RHBDD1: variants seen among roughly 807,000 people sequenced by gnomAD.
RHBDD1 encodes rhomboid-related protein 4.
RHBDD1 carries 38 observed loss-of-function variants against 36.3 expected under a neutral mutation model. The ratio of observed to expected loss-of-function variants is 1.05; its 90% CI spans 0.81 to 1.37. The LOEUF is 1.37. Ranked by LOEUF, RHBDD1 falls within the 40% of genes most tolerant of loss-of-function variation. The probability of loss-of-function intolerance (pLI) is 0.00; values close to 1 mark genes in which losing one functional copy is unlikely to be tolerated. For synonymous variants in RHBDD1, 151 were observed against 136.5 expected, an observed-to-expected ratio of 1.11 and a Z score of -0.74; for missense variants, 393 against 377.6, an observed-to-expected ratio of 1.04 and a Z score of -0.34.
chr2:226,980,897 T>C (rs1955579958), intron 8 of RHBDD1, among the ~76,000 whole-genome samples: 1 of 152,216 alleles, frequency 6.6e-6, no homozygotes, highest in African/African-American at 2.4e-5. Context: ...TTAATAGGCA[T>C]GTAGGAATAA....
At chr2:226,990,551 C>T (rs1353199796) in intron 8 of RHBDD1, among the ~76,000 whole-genome samples, 1 of 152,190 alleles carries the variant, frequency 6.6e-6, no homozygotes, top group Non-Finnish European at 1.5e-5. Flanking sequence ...TCTCTATTTA[C>T]ATGGATGGCG....
chr2:226,837,430 C>A (rs1559176740), intron 1 of RHBDD1: 3 of 152,142 alleles, frequency 2.0e-5, no homozygotes, highest in Admixed American at 1.3e-4. Flanking sequence ...GCAGGATATT[C>A]AGTTAAAAGT....
At chr2:226,957,849 C>T (rs1951880944) in intron 8 of RHBDD1, among the ~76,000 whole-genome samples, 1 of 151,974 alleles carries the variant, frequency 6.6e-6, no homozygotes, top group South Asian at 2.1e-4. Flanking sequence ...TGAGATACCA[C>T]TTCACGTCCA....
At chr2:226,840,404 T>G (rs991889393) in intron 3 of RHBDD1, among the ~76,000 whole-genome samples, 3 of 152,202 alleles carry the variant, frequency 2.0e-5, no homozygotes, top group Non-Finnish European at 4.4e-5. Flanking sequence ...ATGCACCTCA[T>G]AATTACACAG....
intron 5 of RHBDD1, among the ~76,000 whole-genome samples, chr2:226,871,615 C>G (rs1048329296): frequency 2.0e-5 from 3 of 152,182 alleles, no homozygotes; most frequent in African/African-American, 7.2e-5. Context: ...TTAAAGATAT[C>G]AGATCTCTCG....
chr2:226,934,761 T>C (rs1028380406), intron 8 of RHBDD1, among the ~76,000 whole-genome samples: 3 of 152,082 alleles, frequency 2.0e-5, no homozygotes, highest in Non-Finnish European at 4.4e-5. Context: ...ATGTTTTTCT[T>C]TGAGTCAAAA....
At chr2:226,971,853 T>G (rs142516931) in intron 8 of RHBDD1, among the ~76,000 whole-genome samples, 319 of 152,284 alleles carry the variant, frequency 2.1e-3, no homozygotes, top group Middle Eastern at 6.8e-3. Context: ...CTCTAGAATT[T>G]GGTGGCAAGG....
At chr2:226,970,819 T>A (rs1228292238) in intron 8 of RHBDD1, among the ~76,000 whole-genome samples, 1 of 152,212 alleles carries the variant, frequency 6.6e-6, no homozygotes, top group Non-Finnish European at 1.5e-5. Context: ...CAAGGCAATC[T>A]TGGCAGCTGG....
chr2:226,991,709 A>G (rs1488748887), intron 8 of RHBDD1, among the ~76,000 whole-genome samples: 1 of 152,202 alleles, frequency 6.6e-6, no homozygotes, highest in Non-Finnish European at 1.5e-5. Context: ...TAAGGAAACT[A>G]AGACCAAGAG....
At chr2:226,924,633 T>G (rs1446237610) in intron 8 of RHBDD1, among the ~76,000 whole-genome samples, 1 of 152,176 alleles carries the variant, frequency 6.6e-6, no homozygotes, top group East Asian at 1.9e-4. Context: ...TCAAGTTTAT[T>G]TAGGACCCCA....
chr2:226,901,884 T>G (rs1316336487), intron 5 of RHBDD1, among the ~76,000 whole-genome samples: 1 of 152,172 alleles, frequency 6.6e-6, no homozygotes, highest in Non-Finnish European at 1.5e-5. Context: ...TAATACAGTG[T>G]ATTTTAGATA....
At chr2:226,960,975 G>T (rs1385454576) in intron 8 of RHBDD1, among the ~76,000 whole-genome samples, 1 of 152,164 alleles carries the variant, frequency 6.6e-6, no homozygotes, top group African/African-American at 2.4e-5. Flanking sequence ...GTGAGATTTA[G>T]CCATCCAGAG....
At chr2:226,861,950 AATAC>A (rs1943893751) in intron 3 of RHBDD1, among the ~76,000 whole-genome samples, 1 of 152,184 alleles carries the variant, frequency 6.6e-6, no homozygotes, top group South Asian at 2.1e-4. Context: ...GGGTTGTGCT[AATAC>A]ATGGGGTTTT....
At chr2:226,952,751 A>G (rs1951516218) in intron 8 of RHBDD1, among the ~76,000 whole-genome samples, 1 of 152,244 alleles carries the variant, frequency 6.6e-6, no homozygotes, top group Non-Finnish European at 1.5e-5. Flanking sequence ...ATGTAAAGAA[A>G]GATAAGAACC....
intron 8 of RHBDD1, among the ~76,000 whole-genome samples, chr2:226,949,144 A>G (rs985465713): frequency 6.6e-6 from 1 of 152,204 alleles, no homozygotes; most frequent in East Asian, 1.9e-4. Flanking sequence ...ACAAATGGAA[A>G]AACATTCCAT....
intron 8 of RHBDD1, among the ~76,000 whole-genome samples, chr2:226,924,848 C>G (rs1452352662): frequency 1.3e-5 from 2 of 152,226 alleles, no homozygotes. Context: ...TACACAGATT[C>G]TCTGTCTATG....
At chr2:226,954,058 T>G (rs1306828531) in intron 8 of RHBDD1, among the ~76,000 whole-genome samples, 1 of 152,126 alleles carries the variant, frequency 6.6e-6, no homozygotes, top group African/African-American at 2.4e-5. Flanking sequence ...TAGCTTGCAT[T>G]CATTTAACGA....
intron 8 of RHBDD1, among the ~76,000 whole-genome samples, chr2:226,923,072 T>G (rs1342527100): frequency 2.6e-5 from 4 of 152,232 alleles, no homozygotes; most frequent in African/African-American, 9.6e-5. Context: ...ACAATTACAG[T>G]GTGTCCTTTT....
At chr2:226,900,014 G>A (rs1361300285) in intron 5 of RHBDD1, among the ~76,000 whole-genome samples, 1 of 152,332 alleles carries the variant, frequency 6.6e-6, no homozygotes, top group Non-Finnish European at 1.5e-5. Flanking sequence ...TGGTGCTGAT[G>A]TCTGAAATTC....
Sources: gnomAD v4.1 joint callset for allele counts (sites outside exome capture counted in the v4.1 genomes callset) on GRCh38, gnomAD v4.1.1 for gene constraint, MANE v1.5 for transcripts, NCBI Gene and HGNC (gene_info 2026-07-23, HGNC 2026-07-21) for gene names.